The following LRRC38 variants were observed in gnomAD, a reference collection of about 807,000 sequenced individuals.
LRRC38 encodes leucine rich repeat containing 38.
Under a neutral mutation model 16.4 loss-of-function variants are expected in LRRC38, and 5 were observed. That is an observed-to-expected ratio of 0.31 (90% CI 0.16 to 0.64). LRRC38 has a LOEUF of 0.64. LRRC38 is among the 30% of genes least tolerant of loss of function. LRRC38 has a pLI of 0.80. For missense variants in LRRC38, 341 were observed against 401.8 expected (o/e 0.85, Z 1.29); for synonymous variants, 191 against 190.2 (o/e 1.00, Z -0.04).
intron 1 of LRRC38, among the ~76,000 whole-genome samples, chr1:13,501,423 T>C (rs1397861109): frequency 6.6e-6 from 1 of 152,064 alleles, no homozygotes; most frequent in Non-Finnish European, 1.5e-5. Flanking sequence ...TATTTATTTA[T>C]TTTGAGACGG....
chr1:13,487,010 T>C lies in LRRC38; in HGVS notation c.632-10911A>G, dbSNP rs1638943856. Among the ~76,000 whole-genome samples the C allele has an allele frequency of 6.6e-6, 1 of 152,190 alleles. No individual in the cohort carries two copies. The highest frequency in any genetic ancestry group is 6.5e-5 in the Admixed American group (1 of 15,272). The stretch of plus-strand genomic sequence containing the variant: ...TGGGTGGATTGACTAAATAGATGGC[T>C]GGAACCCGTTCAGTCCAGCCAGCAG... On this transcript the variant is annotated intron_variant, in intron 1 of 1. Coordinates refer to ENST00000376085, the MANE Select transcript of LRRC38 (RefSeq NM_001010847.2). This position sits in a 1 kb window ranked among gnomAD's most constrained non-coding sequence, Gnocchi z 4.4.
chr1:13,502,502 G>A (rs12046672), intron 1 of LRRC38, among the ~76,000 whole-genome samples: 10,640 of 152,082 alleles, frequency 0.07, 505 homozygotes, highest in East Asian at 0.17. Context: ...CTCTGGAGCC[G>A]GGGTTTCCCA....
intron 1 of LRRC38, among the ~76,000 whole-genome samples, chr1:13,479,835 A>G (rs1369331075): frequency 6.6e-6 from 1 of 152,122 alleles, no homozygotes; most frequent in African/African-American, 2.4e-5. Context: ...CAACAGCACA[A>G]CTCTAGACTT....
intron 1 of LRRC38, among the ~76,000 whole-genome samples, chr1:13,485,460 C>T (rs1023740058): frequency 6.6e-5 from 10 of 151,634 alleles, no homozygotes; most frequent in African/African-American, 2.2e-4. Context: ...CCCATCTATT[C>T]GGGAGGCTGA....
At chr1:13,494,276 G>A (rs2100507566) in intron 1 of LRRC38, among the ~76,000 whole-genome samples, 2 of 152,254 alleles carry the variant, frequency 1.3e-5, no homozygotes, top group South Asian at 4.2e-4. Flanking sequence ...GTTCCTCATT[G>A]AGACACATTT....
In LRRC38 at chr1:13,475,625, G is replaced by T; in HGVS notation, c.*221C>A. 1 of 570,708 alleles carries T rather than the reference G, an allele frequency of 1.8e-6. No homozygotes were observed. Among genetic ancestry groups the T allele is most frequent in the Non-Finnish European group, 3.0e-6 (1 of 328,794 alleles). 35.4% of individuals were successfully genotyped at this position (570,708 alleles called of 1,614,324 possible). A position where few individuals can be genotyped will look rare whatever the true frequency, so the allele number is the denominator to read the frequency against. ...ATCTGAGAGGCAGGTTATGCTCCAG[G>T]AATAATTCCCTCCATCCTTCCTGGG... On this transcript the variant is annotated 3_prime_UTR_variant, in exon 2 of 2. Coordinates refer to ENST00000376085, the MANE Select transcript of LRRC38 (RefSeq NM_001010847.2). This position sits in a 1 kb window ranked among gnomAD's most constrained non-coding sequence, Gnocchi z 4.3.
chr1:13,476,480 C>T (rs555633603), intron 1 of LRRC38, among the ~76,000 whole-genome samples: 96 of 152,190 alleles, frequency 6.3e-4, no homozygotes, highest in Middle Eastern at 3.4e-3. Context: ...AGGTGTGCAC[C>T]GCCACACCTG....
At chr1:13,500,974 C>A (rs981502813) in intron 1 of LRRC38, among the ~76,000 whole-genome samples, 1 of 152,028 alleles carries the variant, frequency 6.6e-6, no homozygotes, top group African/African-American at 2.4e-5. Context: ...AACTATTCTG[C>A]GTGATTCTAT....
intron 1 of LRRC38, among the ~76,000 whole-genome samples, chr1:13,504,856 G>A (rs1340523691): frequency 1.1e-3 from 126 of 112,714 alleles, no homozygotes; most frequent in African/African-American, 4.7e-3. Context: ...GAAAAGAAAA[G>A]AAAAAAGAAA....
At chr1:13,481,390 T>TC (rs902228649) in intron 1 of LRRC38, among the ~76,000 whole-genome samples, 7 of 130,102 alleles carry the variant, frequency 5.4e-5, no homozygotes, top group African/African-American at 1.9e-4. Context: ...TTTTTATTTT[T>TC]TTTTTTTTGT....
At chr1:13,486,848 C>T (rs1352065673) in intron 1 of LRRC38, among the ~76,000 whole-genome samples, 2 of 152,202 alleles carry the variant, frequency 1.3e-5, no homozygotes, top group African/African-American at 4.8e-5. Flanking sequence ...GCCTCAACTT[C>T]CTAAAGTGCT....
At chr1:13,481,391 T>TA (rs1553134542) in intron 1 of LRRC38, among the ~76,000 whole-genome samples, 53 of 133,862 alleles carry the variant, frequency 4.0e-4, no homozygotes, top group East Asian at 1.1e-3. Context: ...TTTTATTTTT[T>TA]TTTTTTTGTT....
intron 1 of LRRC38, among the ~76,000 whole-genome samples, chr1:13,481,595 C>T (rs1638857606): frequency 6.6e-6 from 1 of 151,684 alleles, no homozygotes; most frequent in African/African-American, 2.4e-5. Context: ...CGGGGTTTCA[C>T]CGTGTTAGCC....
chr1:13,508,340 C>T (rs904623459), intron 1 of LRRC38, among the ~76,000 whole-genome samples: 1 of 152,184 alleles, frequency 6.6e-6, no homozygotes, highest in Admixed American at 6.5e-5. Flanking sequence ...TTCGGCTCAG[C>T]ACTGCCTACA....
chr1:13,481,630 T>C (rs1240924613), intron 1 of LRRC38, among the ~76,000 whole-genome samples: 5 of 151,892 alleles, frequency 3.3e-5, no homozygotes, highest in Admixed American at 2.0e-4. Context: ...CTCCTGACCT[T>C]GTGATCCGCC....
chr1:13,480,937 C>A (rs12043047), intron 1 of LRRC38, among the ~76,000 whole-genome samples: 1 of 152,114 alleles, frequency 6.6e-6, no homozygotes, highest in Non-Finnish European at 1.5e-5. Flanking sequence ...AGATTAAAGG[C>A]GTGAGCCACC....
chr1:13,498,855 C>T (rs1639112801), intron 1 of LRRC38, among the ~76,000 whole-genome samples: 3 of 152,088 alleles, frequency 2.0e-5, no homozygotes, highest in Admixed American at 2.0e-4. Context: ...ATCAAGGCAT[C>T]GGCAGCGCTG....
chr1:13,495,485 G>A (rs1049803618), intron 1 of LRRC38, among the ~76,000 whole-genome samples: 1 of 152,164 alleles, frequency 6.6e-6, no homozygotes, highest in African/African-American at 2.4e-5. Context: ...TGGTGGGGAG[G>A]GGGAGGGAGG....
chr1:13,482,132 A>T (rs1638877228), intron 1 of LRRC38, among the ~76,000 whole-genome samples: 1 of 152,136 alleles, frequency 6.6e-6, no homozygotes, highest in Non-Finnish European at 1.5e-5. Flanking sequence ...GCCATGCAGG[A>T]TACAAAAGGA....
Sources: allele counts gnomAD v4.1 joint callset (sites outside exome capture counted in the v4.1 genomes callset), GRCh38; gene constraint gnomAD v4.1.1; non-coding constraint Gnocchi (gnomAD v3.1); transcripts MANE v1.5; gene names NCBI Gene and HGNC (gene_info 2026-07-23, HGNC 2026-07-21).